The following ARHGAP8 variants were observed in gnomAD, a reference collection of about 807,000 sequenced individuals.
ARHGAP8 encodes the protein rho GTPase-activating protein 8.
In ARHGAP8, 62 loss-of-function variants were observed where a neutral mutation model predicts 46.1. That is an observed-to-expected ratio of 1.34 (90% CI 1.10 to 1.66). ARHGAP8 has a LOEUF of 1.66. Ranked by LOEUF, ARHGAP8 falls within the 40% of genes most tolerant of loss-of-function variation. The pLI, the probability that ARHGAP8 is intolerant of heterozygous loss-of-function variation, is 0.00. For missense variants in ARHGAP8, 923 were observed against 568.4 expected, an observed-to-expected ratio of 1.62 and a Z score of -6.34; for synonymous variants, 375 against 243.1, an observed-to-expected ratio of 1.54 and a Z score of -5.05.
chr22:44,753,225 C>CT (rs529491341), intron 1 of ARHGAP8, among the ~76,000 whole-genome samples: 15,205 of 140,674 alleles, frequency 0.11, 1,484 homozygotes, highest in African/African-American at 0.26. Flanking sequence ...AAAGCAGAAA[C>CT]TTTTTTTTTT....
At chr22:44,786,340 C>T (rs1475057898) in intron 1 of ARHGAP8, 117 bp from the exon 2 acceptor site, 11 of 1,345,214 alleles carry the variant, frequency 8.2e-6, no homozygotes, top group South Asian at 1.4e-5. Flanking sequence ...TGAGGTAGGG[C>T]GCGTAGTGGG....
intron 3 of ARHGAP8, among the ~76,000 whole-genome samples, chr22:44,807,528 G>A (rs1395588579): frequency 6.6e-6 from 1 of 152,202 alleles, no homozygotes; most frequent in African/African-American, 2.4e-5. Flanking sequence ...GCAGCCGGGT[G>A]TCTGAGGTAG....
chr22:44,840,452 C>T (rs1425895295), intron 7 of ARHGAP8, among the ~76,000 whole-genome samples: 1 of 152,152 alleles, frequency 6.6e-6, no homozygotes, highest in Admixed American at 6.5e-5. Context: ...CTCCCTTCTG[C>T]TCACTAGATC....
chr22:44,862,360 G>T lies in ARHGAP8; in HGVS notation c.1067G>T (p.Gly356Val), dbSNP rs147209719. Residue 356 changes from glycine (G) to valine (V), a missense_variant, in exon 12 of 12, where the codon GGG becomes GTG. Transcript: ENST00000356099. Reference sequence around the variant, plus strand: ...CTGAATTTGATCTGGCCATCCCAGGGGGTCTCCTCCCTGAGTGCCCTTGTG... The same window carrying T: ...CTGAATTTGATCTGGCCATCCCAGGTGGTCTCCTCCCTGAGTGCCCTTGTG... ...FGLNLIWPSQ[G>V]VSSLSALVPL... 1 of 1,614,138 alleles carries T rather than the reference G, an allele frequency of 6.2e-7. No individual in the cohort carries two copies.
At position 44,862,448 on chromosome 22, in the gene ARHGAP8, G is replaced by C. The variant is rs142398288; in HGVS notation, c.1155G>C (p.Glu385Asp). 23 of 1,614,092 alleles carry C rather than the reference G, an allele frequency of 1.4e-5. No individual in the cohort carries two copies. The highest frequency in any genetic ancestry group is 4.5e-5 in the East Asian group (2 of 44,866). ...EYYEKIFSTP[E>D]APGEHGLAPW... is the part of the protein sequence containing the mutation. ...ATGAAAAGATCTTCAGCACCCCGGA[G>C]GCACCTGGGGAGCACGGCCTGGCAC... The change falls in exon 12 of 12, where the codon GAG (glutamate) becomes GAC (aspartate). Residue 385 changes from glutamate (E) to aspartate (D), a missense_variant. By Grantham distance (45) the Glu-to-Asp change is conservative. Coordinates refer to ENST00000356099, the MANE Select transcript of ARHGAP8 (RefSeq NM_181335.3).
chr22:44,824,583 A>G (rs370426263), intron 6 of ARHGAP8, among the ~76,000 whole-genome samples: 1 of 151,936 alleles, frequency 6.6e-6, no homozygotes, highest in Non-Finnish European at 1.5e-5. Flanking sequence ...GTGTTAAGGA[A>G]GGACTGTTAC....
intron 2 of ARHGAP8, among the ~76,000 whole-genome samples, chr22:44,800,431 C>T (rs919451740): frequency 2.6e-5 from 4 of 152,262 alleles, no homozygotes; most frequent in South Asian, 2.1e-4. Context: ...TCTCACTAAG[C>T]GCCTGGCCCG....
intron 10 of ARHGAP8, chr22:44,849,280 C>A: frequency 1.3e-6 from 1 of 785,570 alleles, no homozygotes; most frequent in Non-Finnish European, 1.9e-6. Context: ...TGGGGTCGGT[C>A]AGGGTTGTCC....
chr22:44,793,259 G>A (rs1180150323), intron 2 of ARHGAP8, among the ~76,000 whole-genome samples: 2 of 152,290 alleles, frequency 1.3e-5, no homozygotes, highest in African/African-American at 4.8e-5. Context: ...ATCAGGTGGT[G>A]TGAAGCAGGG....
At chr22:44,793,351 G>A (rs1038700645) in intron 2 of ARHGAP8, among the ~76,000 whole-genome samples, 6 of 152,058 alleles carry the variant, frequency 3.9e-5, no homozygotes, top group Non-Finnish European at 5.9e-5. Context: ...TGAGTGGCAG[G>A]GGAGAGGGAG....
At chr22:44,760,985 C>G (rs1925087662) in intron 1 of ARHGAP8, among the ~76,000 whole-genome samples, 1 of 152,170 alleles carries the variant, frequency 6.6e-6, no homozygotes, top group Non-Finnish European at 1.5e-5. Context: ...GGGGATGGAG[C>G]TTCTGCTCTG....
chr22:44,808,821 AAC>A (rs201313438), intron 4 of ARHGAP8: 28,861 of 370,582 alleles, frequency 0.078, 975 homozygotes, highest in African/African-American at 0.16. Context: ...AAAAAAAAAA[AAC>A]CAAAAACAAA....
intron 7 of ARHGAP8, among the ~76,000 whole-genome samples, chr22:44,840,195 G>T (rs1330288584): frequency 6.6e-6 from 1 of 152,172 alleles, no homozygotes; most frequent in African/African-American, 2.4e-5. Context: ...ATCCACACAG[G>T]GTCCTTGGGG....
intron 2 of ARHGAP8, 57 bp downstream of exon 2, chr22:44,786,663 C>T (rs1003303981): frequency 6.4e-7 from 1 of 1,561,024 alleles, no homozygotes; most frequent in African/African-American, 1.4e-5. Context: ...TTCCTCTCGG[C>T]AACTTTGAGG....
In ARHGAP8 at chr22:44,797,838, C is replaced by T. The variant is rs563969061; in HGVS notation, c.80-4239C>T. Among the ~76,000 whole-genome samples, 11 of 152,266 alleles carry T rather than the reference C, an allele frequency of 7.2e-5. No homozygotes were observed. The South Asian group carries it at 2.3e-3, about 32-fold the overall frequency. On this transcript the variant is annotated intron_variant, in intron 2 of 11. Coordinates refer to ENST00000356099, the MANE Select transcript of ARHGAP8 (RefSeq NM_181335.3). ...ATTTTTTTTTCAAGAGACAGGGTCT[C>T]ACTCTGTTGCCCAGGCTGCAGTGTA...
At chr22:44,852,334 C>T (rs6007323) in intron 10 of ARHGAP8, among the ~76,000 whole-genome samples, 32,290 of 151,932 alleles carry the variant, frequency 0.21, 4,346 homozygotes, top group Non-Finnish European at 0.27. Flanking sequence ...GTCATTCCGC[C>T]GTCTTTAGAG....
At chr22:44,763,952 A>G (rs1925351874) in intron 1 of ARHGAP8, among the ~76,000 whole-genome samples, 1 of 151,934 alleles carries the variant, frequency 6.6e-6, no homozygotes, top group South Asian at 2.1e-4. Flanking sequence ...CTGGGAGTAC[A>G]GGTGCCCGCC....
At chr22:44,857,733 G>C (rs1023399553) in intron 10 of ARHGAP8, among the ~76,000 whole-genome samples, 1 of 152,198 alleles carries the variant, frequency 6.6e-6, no homozygotes, top group African/African-American at 2.4e-5. Flanking sequence ...AGGTCAGAGA[G>C]TCCTCGAGGC....
chr22:44,827,019 A>G (rs1463640535), intron 7 of ARHGAP8, among the ~76,000 whole-genome samples: 1 of 152,118 alleles, frequency 6.6e-6, no homozygotes, highest in Non-Finnish European at 1.5e-5. Context: ...ACATGGCAAA[A>G]GGGGCTTGGC....
Sources: allele counts gnomAD v4.1 joint callset (sites outside exome capture counted in the v4.1 genomes callset), GRCh38; gene constraint gnomAD v4.1.1; transcripts MANE v1.5; gene names NCBI Gene and HGNC (gene_info 2026-07-23, HGNC 2026-07-21).